The following ANKRD44 variants were observed in gnomAD, a reference collection of about 807,000 sequenced individuals.
ANKRD44 encodes the protein ankyrin repeat domain 44.
In ANKRD44, 35 loss-of-function variants were observed where a neutral mutation model predicts 116.0. The ratio of observed to expected loss-of-function variants is 0.30; its 90% CI spans 0.23 to 0.40. ANKRD44 has a LOEUF of 0.40. Among genes scored for constraint, ANKRD44 ranks in the 10% least tolerant of loss-of-function variants. The probability of loss-of-function intolerance (pLI) is 1.00; values close to 1 mark genes in which losing one functional copy is unlikely to be tolerated. For synonymous variants in ANKRD44, 435 were observed against 461.8 expected, an observed-to-expected ratio of 0.94 and a Z score of 0.74; for missense variants, 1,014 against 1,242.6, an observed-to-expected ratio of 0.82 and a Z score of 2.77.
chr2:197,282,694 C>T (rs951163764), intron 1 of ANKRD44, among the ~76,000 whole-genome samples: 3 of 152,162 alleles, frequency 2.0e-5, no homozygotes, highest in African/African-American at 7.2e-5. Context: ...TGTGGTGGCT[C>T]ACACTTGTAA....
intron 1 of ANKRD44, among the ~76,000 whole-genome samples, chr2:197,237,409 C>T (rs2082000887): frequency 6.6e-6 from 1 of 152,204 alleles, no homozygotes; most frequent in African/African-American, 2.4e-5. Flanking sequence ...ATACTTTTCT[C>T]AAGAAATAAA....
chr2:197,178,050 C>T (rs1221065721), intron 2 of ANKRD44, among the ~76,000 whole-genome samples: 1 of 152,146 alleles, frequency 6.6e-6, no homozygotes, highest in Non-Finnish European at 1.5e-5. Context: ...GGTGAATCCC[C>T]CACAGTTAGA....
In ANKRD44 at chr2:197,086,745, A is replaced by G; in HGVS notation, c.1251T>C (p.Asn417=). The change falls in exon 13 of 28, where the codon AAT becomes AAC. Residue 417 remains asparagine, a synonymous_variant. Transcript: ENST00000282272. ...TCLHAAAAGG[N]VECIKLLQSS... ...TCTGCAAGAGTTTTATACATTCCAC[A>G]TTACTAGAAAGACAGGGAAAACATC... is the stretch of plus-strand genomic sequence containing the variant. 1 of 1,613,668 alleles carries G rather than the reference A, an allele frequency of 6.2e-7. No individual in the cohort carries two copies. The highest frequency in any genetic ancestry group is 8.5e-7 in the Non-Finnish European group (1 of 1,179,754).
intron 12 of ANKRD44, 96 bp downstream of exon 12, chr2:197,088,615 A>G: frequency 1.4e-6 from 1 of 709,140 alleles, no homozygotes; most frequent in African/African-American, 1.9e-5. Flanking sequence ...TTCTTATTTT[A>G]CTAAGGAAAT....
At chr2:197,126,535 CT>C (rs1486324276) in intron 4 of ANKRD44, among the ~76,000 whole-genome samples, 1 of 152,180 alleles carries the variant, frequency 6.6e-6, no homozygotes, top group African/African-American at 2.4e-5. Context: ...TTGTTTCCAT[CT>C]TTTCCATGTT....
At chr2:196,984,586 T>C (rs2075823960), downstream of ANKRD44, among the ~76,000 whole-genome samples, 1 of 152,128 alleles carries the variant, frequency 6.6e-6, no homozygotes, top group Non-Finnish European at 1.5e-5. Context: ...ACCTACCAAA[T>C]GGAATTAGCG....
intron 16 of ANKRD44, among the ~76,000 whole-genome samples, chr2:197,060,190 C>T (rs1002138217): frequency 2.0e-5 from 3 of 152,120 alleles, no homozygotes; most frequent in Non-Finnish European, 4.4e-5. Context: ...TATTAACATG[C>T]CAACTCCCAC....
At chr2:196,970,860 C>A (rs184478452) in intron 21 of ANKRD44, among the ~76,000 whole-genome samples, 1 of 152,050 alleles carries the variant, frequency 6.6e-6, no homozygotes, top group Non-Finnish European at 1.5e-5. Flanking sequence ...TGCCACCACA[C>A]CTGGCTAATT....
At chr2:197,053,553 G>A (rs1235175607) in intron 16 of ANKRD44, among the ~76,000 whole-genome samples, 2 of 152,010 alleles carry the variant, frequency 1.3e-5, no homozygotes, top group African/African-American at 2.4e-5. Context: ...GTATGATCTC[G>A]GCTCTTTGTA....
In ANKRD44 at chr2:197,100,249, A is replaced by G. The variant is rs564430086; in HGVS notation, c.986-319T>C. Among the ~76,000 whole-genome samples the G allele has an allele frequency of 2.8e-4, 42 of 152,290 alleles. 1 individual carries two copies. Among genetic ancestry groups the G allele is most frequent in the Admixed American group, 5.9e-4 (9 of 15,296 alleles). ...CAGGAGTTTCAGACCAGCCTGACCA[A>G]CATGGTGAAACCTCATCTCTACCAA... On this transcript the variant is annotated intron_variant, in intron 9 of 27. Coordinates refer to ENST00000282272, the MANE Select transcript of ANKRD44 (RefSeq NM_001195144.2).
chr2:197,103,011 C>T (rs888267764), intron 9 of ANKRD44, among the ~76,000 whole-genome samples: 3 of 151,950 alleles, frequency 2.0e-5, no homozygotes, highest in Non-Finnish European at 4.4e-5. Flanking sequence ...GGGCAGATCA[C>T]AAGGTCAGGA....
At chr2:197,053,565 C>A (rs993303104) in intron 16 of ANKRD44, among the ~76,000 whole-genome samples, 3 of 152,086 alleles carry the variant, frequency 2.0e-5, no homozygotes, top group Non-Finnish European at 4.4e-5. Flanking sequence ...CTCTTTGTAA[C>A]CTCTGTCTCC....
chr2:197,029,138 C>T (rs1465861255), intron 16 of ANKRD44: 1 of 182,244 alleles, frequency 5.5e-6, no homozygotes, highest in Non-Finnish European at 1.1e-5. Flanking sequence ...CTTCCCCCCA[C>T]CCCACAACAG....
At chr2:196,997,452 C>CTTTT (rs35812345) in intron 25 of ANKRD44, among the ~76,000 whole-genome samples, 2 of 136,012 alleles carry the variant, frequency 1.5e-5, no homozygotes, top group African/African-American at 2.7e-5. Flanking sequence ...TATAATTTAT[C>CTTTT]TTTTTTTTTT....
chr2:197,129,424 C>T (rs567448464), intron 4 of ANKRD44, among the ~76,000 whole-genome samples: 8 of 152,252 alleles, frequency 5.3e-5, no homozygotes, highest in East Asian at 1.9e-4. Context: ...CATGAGCCAC[C>T]GCGCCTGGAC....
chr2:197,279,200 A>G (rs1340741265), intron 1 of ANKRD44, among the ~76,000 whole-genome samples: 1 of 152,204 alleles, frequency 6.6e-6, no homozygotes, highest in Non-Finnish European at 1.5e-5. Context: ...TGCTGGTGAT[A>G]GAACATTTCC....
At position 197,083,455 on chromosome 2, in the gene ANKRD44, T is replaced by C. The variant is rs1199684438; in HGVS notation, c.1371A>G (p.Leu457=). 10 of 1,613,906 alleles carry C rather than the reference T, an allele frequency of 6.2e-6. No individual in the cohort carries two copies. The highest frequency in any genetic ancestry group is 7.6e-6 in the Non-Finnish European group (9 of 1,179,924). The change falls in exon 14 of 28, where the codon TTA becomes TTG. Residue 457 remains leucine (L), a synonymous_variant. Transcript: ENST00000282272. The stretch of plus-strand genomic sequence containing the variant: ...CATTAACGTTGGCCCCTGTGGTCAC[T>C]AATGTCTCAATACAGTGGAAATGAC... ...ANCHFHCIET[L]VTTGANVNET...
At chr2:197,301,492 A>T (rs1026503090) in intron 1 of ANKRD44, 1 of 152,240 alleles carries the variant, frequency 6.6e-6, no homozygotes, top group African/African-American at 2.4e-5. Context: ...CCAAAAGCAC[A>T]GTTTAAAAAG....
At chr2:197,228,910 C>T (rs2081787637) in intron 1 of ANKRD44, among the ~76,000 whole-genome samples, 1 of 152,212 alleles carries the variant, frequency 6.6e-6, no homozygotes, top group Non-Finnish European at 1.5e-5. Context: ...TGGTGCATGC[C>T]TGTAATCCCA....
Sources: gnomAD v4.1 joint callset for allele counts (sites outside exome capture counted in the v4.1 genomes callset) on GRCh38, gnomAD v4.1.1 for gene constraint, MANE v1.5 for transcripts, NCBI Gene and HGNC (gene_info 2026-07-23, HGNC 2026-07-21) for gene names.